The following PAFAH1B2 variants were observed in gnomAD, a reference collection of about 807,000 sequenced individuals.
PAFAH1B2 encodes platelet-activating factor acetylhydrolase IB subunit alpha2.
Under a neutral mutation model 28.0 loss-of-function variants are expected in PAFAH1B2, and 8 were observed. That is an observed-to-expected ratio of 0.29 (90% CI 0.17 to 0.52). PAFAH1B2 has a LOEUF of 0.52. Ranked by LOEUF, PAFAH1B2 falls within the 20% of genes least tolerant of loss-of-function variation. The pLI, the probability that PAFAH1B2 is intolerant of heterozygous loss-of-function variation, is 0.97. For synonymous variants in PAFAH1B2, 104 were observed against 103.2 expected (o/e 1.01, Z -0.05); for missense variants, 190 against 282.6 (o/e 0.67, Z 2.35).
intron 4 of PAFAH1B2, among the ~76,000 whole-genome samples, chr11:117,162,121 C>T (rs1317482559): frequency 6.6e-6 from 1 of 152,126 alleles, no homozygotes; most frequent in African/African-American, 2.4e-5. Flanking sequence ...TGAGCCCTGA[C>T]AAAACGTGCT....
chr11:117,148,067 T>G (rs1280856138), intron 1 of PAFAH1B2, among the ~76,000 whole-genome samples: 3 of 151,216 alleles, frequency 2.0e-5, no homozygotes, highest in African/African-American at 4.9e-5. Context: ...TTTTTTTTTT[T>G]TTTAGATGGA....
chr11:117,145,271 T>G (rs1353378345), intron 1 of PAFAH1B2, among the ~76,000 whole-genome samples: 1 of 152,170 alleles, frequency 6.6e-6, no homozygotes, highest in African/African-American at 2.4e-5. Context: ...GACTCATGCT[T>G]CTGCTTTTCA....
chr11:117,147,271 AAAAAG>A (rs1956035333), intron 1 of PAFAH1B2, among the ~76,000 whole-genome samples: 1 of 152,176 alleles, frequency 6.6e-6, no homozygotes. Context: ...TCTGTCTCAA[AAAAAG>A]AAAAGCCAGT....
intron 1 of PAFAH1B2, among the ~76,000 whole-genome samples, chr11:117,148,315 A>G (rs1038038713): frequency 1.3e-5 from 2 of 152,046 alleles, no homozygotes; most frequent in African/African-American, 2.4e-5. Flanking sequence ...GGCCCCCCCA[A>G]AATGCTGGGA....
chr11:117,145,553 A>G (rs1955983984), intron 1 of PAFAH1B2, among the ~76,000 whole-genome samples: 2 of 152,130 alleles, frequency 1.3e-5, no homozygotes, highest in African/African-American at 4.8e-5. Flanking sequence ...CATTGTTCTG[A>G]CATAAAGGTT....
At chr11:117,156,196 A>G (rs959972634) in intron 2 of PAFAH1B2, among the ~76,000 whole-genome samples, 2 of 152,208 alleles carry the variant, frequency 1.3e-5, no homozygotes, top group Non-Finnish European at 2.9e-5. Flanking sequence ...CTAGAAAAGA[A>G]TATATGGCCA....
intron 2 of PAFAH1B2, chr11:117,159,552 G>T: frequency 5.9e-6 from 1 of 168,604 alleles, no homozygotes; most frequent in Non-Finnish European, 1.3e-5. Flanking sequence ...GGGCAACATG[G>T]TAAAACCTCG....
chr11:117,159,165 TA>T (rs1440472074), intron 2 of PAFAH1B2, among the ~76,000 whole-genome samples: 1 of 152,220 alleles, frequency 6.6e-6, no homozygotes, highest in East Asian at 1.9e-4. Flanking sequence ...ATTTTCTTAA[TA>T]AAAGTTTGAG....
intron 2 of PAFAH1B2, among the ~76,000 whole-genome samples, chr11:117,154,195 A>G (rs1430520391): frequency 6.6e-6 from 1 of 152,034 alleles, no homozygotes; most frequent in Non-Finnish European, 1.5e-5. Flanking sequence ...TACCTTTATG[A>G]ATAGTAACTA....
chr11:117,150,389 A>G (rs1956122732), intron 1 of PAFAH1B2, among the ~76,000 whole-genome samples: 1 of 150,928 alleles, frequency 6.6e-6, no homozygotes, highest in African/African-American at 2.4e-5. Context: ...ACCTCAAGCG[A>G]TCCACCTGCT....
chr11:117,157,876 G>A (rs1470491776), intron 2 of PAFAH1B2, among the ~76,000 whole-genome samples: 2 of 152,282 alleles, frequency 1.3e-5, no homozygotes, highest in East Asian at 1.9e-4. Context: ...GGTAGTTCAC[G>A]CCTGTAATCC....
In PAFAH1B2 at chr11:117,169,125, T is replaced by C. The variant is rs1214865739; in HGVS notation, c.*1426T>C. ...TAGTTTTTAAATTATCCTCCAAAAA[T>C]TTTGGGCCTTTTTCTGTGGGGAAAC... On this transcript the variant is annotated 3_prime_UTR_variant, in exon 6 of 6. Transcript: ENST00000527958. 2 of 1,022,718 alleles carry C rather than the reference T, an allele frequency of 2.0e-6. No homozygotes were observed. The highest frequency in any genetic ancestry group is 6.4e-5 in the East Asian group (1 of 15,536). The allele number at this position is 1,022,718 out of a possible 1,614,324, so 63.4% of individuals were successfully genotyped here. A position where few individuals can be genotyped will look rare whatever the true frequency, so the allele number is the denominator to read the frequency against.
rs1325978334 is a variant in PAFAH1B2 at position 117,167,909 on chromosome 11, G to A, written c.*210G>A. The A allele has an allele frequency of 3.4e-6, 4 of 1,186,606 alleles. No homozygotes were observed. The African/African-American group carries it at 6.3e-5, about 19-fold the overall frequency. 73.5% of individuals were successfully genotyped at this position (1,186,606 alleles called of 1,614,324 possible). On this transcript the variant is annotated 3_prime_UTR_variant, in exon 6 of 6. Transcript: ENST00000527958. ...GGAGAAAAATTAGCCAAGGAAGATTGTTGTTTAAATTCATTTGAAACCAGA... is the reference window on the plus strand; with the variant it reads ...GGAGAAAAATTAGCCAAGGAAGATTATTGTTTAAATTCATTTGAAACCAGA...
At chr11:117,166,160 A>G (rs1391502429) in intron 5 of PAFAH1B2, among the ~76,000 whole-genome samples, 4 of 152,180 alleles carry the variant, frequency 2.6e-5, no homozygotes, top group Non-Finnish European at 5.9e-5. Context: ...GTAGGAATTC[A>G]TATGCTGTTG....
chr11:117,175,673 A>G, downstream of PAFAH1B2: 2 of 1,291,338 alleles, frequency 1.5e-6, no homozygotes, highest in Non-Finnish European at 2.0e-6. Context: ...TGCCCCGTTA[A>G]ATTGCAGTTT....
downstream of PAFAH1B2, chr11:117,176,015 A>G (rs2029959293): frequency 5.4e-6 from 6 of 1,119,454 alleles, no homozygotes; most frequent in Non-Finnish European, 7.8e-6. Flanking sequence ...TGGAGGGCTC[A>G]TGATGAAGAA....
chr11:117,168,827 G>C lies in PAFAH1B2; in HGVS notation c.*1128G>C, dbSNP rs766700046. The C allele has an allele frequency of 4.7e-5, 39 of 827,330 alleles. No individual in the cohort carries two copies. Among genetic ancestry groups the C allele is most frequent in the Non-Finnish European group, 5.5e-5 (37 of 671,518 alleles). 51.2% of individuals were successfully genotyped at this position (827,330 alleles called of 1,614,324 possible). ...GTTTTGTTTGAGATGGAGTTTCACT[G>C]TTGCCCAGGCTGGGGTGCAATGGTG... is the stretch of plus-strand genomic sequence containing the variant. On this transcript the variant is annotated 3_prime_UTR_variant, in exon 6 of 6. Transcript: ENST00000527958.
chr11:117,171,697 G>T (rs762229887), downstream of PAFAH1B2: 1 of 1,535,554 alleles, frequency 6.5e-7, no homozygotes, highest in South Asian at 1.2e-5. Context: ...CTGGTCGATC[G>T]GGACCTATCC....
chr11:117,174,878 G>T, downstream of PAFAH1B2: 1 of 1,504,170 alleles, frequency 6.6e-7, no homozygotes, highest in Non-Finnish European at 8.9e-7. Context: ...GCCTCCCAAA[G>T]TGCTGGGATT....
Sources: gnomAD v4.1 joint callset for allele counts (sites outside exome capture counted in the v4.1 genomes callset) on GRCh38, gnomAD v4.1.1 for gene constraint, MANE v1.5 for transcripts, NCBI Gene and HGNC (gene_info 2026-07-23, HGNC 2026-07-21) for gene names.